LRFN5: variants seen among roughly 807,000 people sequenced by gnomAD.
The protein encoded by LRFN5 is leucine rich repeat and fibronectin type III domain containing 5, also known as leucine-rich repeat and fibronectin type-III domain-containing protein 5.
LRFN5 carries 24 observed loss-of-function variants against 45.6 expected under a neutral mutation model. The observed-to-expected ratio is 0.53, with a 90% CI of 0.38 to 0.74. LRFN5 has a LOEUF of 0.74. Among genes scored for constraint, LRFN5 ranks in the 30% least tolerant of loss-of-function variants. The probability of loss-of-function intolerance (pLI) is 0.00; values close to 1 mark genes in which losing one functional copy is unlikely to be tolerated. For synonymous variants in LRFN5, 340 were observed against 313.8 expected (o/e 1.08, Z -0.88); for missense variants, 776 against 861.5 (o/e 0.90, Z 1.24).
At chr14:41,785,247 C>T (rs1943795185) in intron 2 of LRFN5, among the ~76,000 whole-genome samples, 1 of 151,952 alleles carries the variant, frequency 6.6e-6, no homozygotes, top group South Asian at 2.1e-4. Context: ...GTGTTCAGAC[C>T]ACTTATAATT....
intron 2 of LRFN5, among the ~76,000 whole-genome samples, chr14:41,814,007 C>A (rs573949614): frequency 1.4e-4 from 21 of 152,020 alleles, no homozygotes; most frequent in African/African-American, 4.8e-4. Flanking sequence ...TTTGATGGGG[C>A]TGTTTGTTTT....
intron 1 of LRFN5, among the ~76,000 whole-genome samples, chr14:41,737,000 C>A (rs10130518): frequency 0.75 from 113,936 of 152,070 alleles, 42,974 homozygotes; most frequent in East Asian, 0.97. Flanking sequence ...AACTCATTTT[C>A]TGAGGCCAGC....
At chr14:41,818,504 A>AACAC (rs149071051) in intron 2 of LRFN5, among the ~76,000 whole-genome samples, 1 of 150,416 alleles carries the variant, frequency 6.6e-6, no homozygotes, top group African/African-American at 2.4e-5. Flanking sequence ...CACACACACA[A>AACAC]ACACACACAC....
intron 2 of LRFN5, among the ~76,000 whole-genome samples, chr14:41,861,527 T>C (rs1056985708): frequency 4.6e-5 from 7 of 152,180 alleles, no homozygotes; most frequent in African/African-American, 1.7e-4. Context: ...GCAAATATTA[T>C]GCTGCATTTT....
intron 1 of LRFN5, among the ~76,000 whole-genome samples, chr14:41,629,252 T>G (rs1888453504): frequency 6.6e-6 from 1 of 152,212 alleles, no homozygotes; most frequent in Non-Finnish European, 1.5e-5. Flanking sequence ...CTCACTGCCC[T>G]ATGATTGTTT....
intron 2 of LRFN5, among the ~76,000 whole-genome samples, chr14:41,767,397 T>G (rs1416312531): frequency 1.3e-5 from 2 of 152,172 alleles, no homozygotes; most frequent in Non-Finnish European, 2.9e-5. Context: ...TCAAATTTGC[T>G]TGGCTAATAA....
rs113438327 is a variant in LRFN5 at position 41,746,149 on chromosome 14, A to G, written c.-196-20705A>G. Among the ~76,000 whole-genome samples, 1,415 of 152,088 alleles carry G rather than the reference A, an allele frequency of 9.3e-3. 23 individuals are homozygous for G. The highest frequency in any genetic ancestry group is 0.033 in the African/African-American group (1,356 of 41,568). ...TTCAGCAGCATATTAAAAGGATTAT[A>G]TACCGACTGACTGTGTGTGACTTAT... On this transcript the variant is annotated intron_variant, in intron 1 of 5. Coordinates refer to ENST00000298119, the MANE Select transcript of LRFN5 (RefSeq NM_152447.5).
intron 1 of LRFN5, among the ~76,000 whole-genome samples, chr14:41,690,132 TGCAAACCAAATGTA>T (rs1037237755): frequency 6.6e-6 from 1 of 152,060 alleles, no homozygotes; most frequent in African/African-American, 2.4e-5. Context: ...ACACAGTACT[TGCAAACCAAATGTA>T]GCAATATTTT....
chr14:41,887,643 G>A lies in LRFN5; in HGVS notation c.1018G>A (p.Gly340Arg), dbSNP rs201273688. 3 of 1,614,156 alleles carry A rather than the reference G, an allele frequency of 1.9e-6. No homozygotes were observed. The highest frequency in any genetic ancestry group is 2.2e-5 in the East Asian group (1 of 44,874). ...NATRSLVYDN[G>R]TLDILITTVK... ...AACAAGATCTCTGGTGTATGATAAC[G>A]GAACACTTGACATTCTTATCACAAC... is the stretch of plus-strand genomic sequence containing the variant. Residue 340 changes from glycine to arginine, a missense_variant, in exon 3 of 6, where the codon GGA (glycine) becomes AGA (arginine). Coordinates refer to ENST00000298119, the MANE Select transcript of LRFN5 (RefSeq NM_152447.5). This position sits in a 1 kb window ranked among gnomAD's most constrained non-coding sequence, Gnocchi z 4.8.
chr14:41,697,145 C>T (rs988479080), intron 1 of LRFN5, among the ~76,000 whole-genome samples: 1 of 151,864 alleles, frequency 6.6e-6, no homozygotes, highest in African/African-American at 2.4e-5. Flanking sequence ...TTTTTATAGA[C>T]ATCGTTATTA....
intron 1 of LRFN5, among the ~76,000 whole-genome samples, chr14:41,672,512 TTTCATCTAATG>T (rs1447763464): frequency 9.2e-5 from 14 of 152,354 alleles, no homozygotes; most frequent in Non-Finnish European, 2.1e-4. Flanking sequence ...AGTTATTTGA[TTTCATCTAATG>T]TCTGGGTGCT....
At chr14:41,617,809 TAATA>T (rs1215854763) in intron 1 of LRFN5, among the ~76,000 whole-genome samples, 2 of 152,134 alleles carry the variant, frequency 1.3e-5, no homozygotes, top group African/African-American at 2.4e-5. Context: ...ATGCTGTAAG[TAATA>T]AATAAATGTT....
At chr14:41,827,601 G>A (rs1219667193) in intron 2 of LRFN5, among the ~76,000 whole-genome samples, 2 of 151,500 alleles carry the variant, frequency 1.3e-5, no homozygotes, top group Non-Finnish European at 3.0e-5. Flanking sequence ...TGAAATTCTG[G>A]GCACCATCTG....
chr14:41,702,624 G>C (rs1882885098), intron 1 of LRFN5, among the ~76,000 whole-genome samples: 1 of 151,804 alleles, frequency 6.6e-6, no homozygotes, highest in South Asian at 2.1e-4. Context: ...CACTGCGCCA[G>C]CTAATTTTTA....
intron 1 of LRFN5, among the ~76,000 whole-genome samples, chr14:41,743,827 A>G (rs1270113202): frequency 1.3e-5 from 2 of 152,180 alleles, no homozygotes; most frequent in African/African-American, 4.8e-5. Context: ...AATTAAACAT[A>G]AATTAATAAA....
At chr14:41,651,037 T>C (rs984321024) in intron 1 of LRFN5, among the ~76,000 whole-genome samples, 1 of 152,202 alleles carries the variant, frequency 6.6e-6, no homozygotes, top group East Asian at 1.9e-4. Flanking sequence ...TGTTTTTCTA[T>C]ATATGAAATA....
intron 1 of LRFN5, chr14:41,701,292 C>T (rs1449112301): frequency 6.6e-6 from 1 of 152,118 alleles, no homozygotes; most frequent in Non-Finnish European, 1.5e-5. Context: ...ATAATATGAA[C>T]CACATGCTGT....
intron 1 of LRFN5, among the ~76,000 whole-genome samples, chr14:41,691,402 GTTA>G (rs1882372635): frequency 6.6e-6 from 1 of 151,798 alleles, no homozygotes; most frequent in Non-Finnish European, 1.5e-5. Context: ...TTAGTTGTCT[GTTA>G]TTATTTCTAA....
intron 2 of LRFN5, among the ~76,000 whole-genome samples, chr14:41,866,878 TG>T (rs1259389205): frequency 6.6e-6 from 1 of 152,186 alleles, no homozygotes; most frequent in African/African-American, 2.4e-5. Flanking sequence ...CAAGTAATTT[TG>T]ATTAGTGAAT....
Sources: allele counts gnomAD v4.1 joint callset (sites outside exome capture counted in the v4.1 genomes callset), GRCh38; gene constraint gnomAD v4.1.1; non-coding constraint Gnocchi (gnomAD v3.1); transcripts MANE v1.5; gene names NCBI Gene and HGNC (gene_info 2026-07-23, HGNC 2026-07-21).